BTC: variants seen among roughly 807,000 people sequenced by gnomAD.
BTC encodes probetacellulin.
BTC carries 13 observed loss-of-function variants against 18.1 expected under a neutral mutation model. The observed-to-expected ratio is 0.72, with a 90% CI of 0.47 to 1.14. BTC has a LOEUF of 1.14. Among genes scored for constraint, BTC ranks in the 50% most tolerant of loss-of-function variants. The pLI, the probability that BTC is intolerant of heterozygous loss-of-function variation, is 0.00. For missense variants in BTC, 247 were observed against 224.2 expected (o/e 1.10, Z -0.65); for synonymous variants, 83 against 79.4 (o/e 1.05, Z -0.24).
At chr4:74,773,567 T>C (rs1334742058) in intron 1 of BTC, among the ~76,000 whole-genome samples, 1 of 152,048 alleles carries the variant, frequency 6.6e-6, no homozygotes, top group Non-Finnish European at 1.5e-5. Context: ...CAGACACAGG[T>C]ATTATCATTA....
intron 2 of BTC, among the ~76,000 whole-genome samples, chr4:74,757,130 G>T (rs1272987656): frequency 1.3e-5 from 2 of 152,158 alleles, no homozygotes; most frequent in Non-Finnish European, 2.9e-5. Flanking sequence ...AGAAGAGCAT[G>T]TCACGCTAGG....
chr4:74,747,561 C>A (rs1481502765), intron 5 of BTC, among the ~76,000 whole-genome samples: 6 of 152,174 alleles, frequency 3.9e-5, no homozygotes, highest in Admixed American at 3.9e-4. Flanking sequence ...TATACCTTTT[C>A]TTAACCTTGA....
rs1724306428 is a variant in BTC, at chr4:74,746,883, C to T, written c.*2-208G>A. Among the ~76,000 whole-genome samples, 3 of 152,186 alleles carry T rather than the reference C, an allele frequency of 2.0e-5. 1 individual carries two copies. Among genetic ancestry groups the T allele is most frequent in the African/African-American group, 7.2e-5 (3 of 41,446 alleles). On this transcript the variant is annotated intron_variant, in intron 5 of 5. Transcript: ENST00000395743. ...TTTCTGGAAGAGATTCTTTGTACAA[C>T]TGAGCTGTGGAAAGACACTACTCTC...
chr4:74,787,213 A>T (rs550596619), intron 1 of BTC, among the ~76,000 whole-genome samples: 1 of 152,296 alleles, frequency 6.6e-6, no homozygotes, highest in Admixed American at 6.5e-5. Flanking sequence ...TCACTTTAAA[A>T]CAAGGAGGCT....
intron 1 of BTC, among the ~76,000 whole-genome samples, chr4:74,787,213 A>G (rs550596619): frequency 6.6e-6 from 1 of 152,178 alleles, no homozygotes; most frequent in Non-Finnish European, 1.5e-5. Context: ...TCACTTTAAA[A>G]CAAGGAGGCT....
intron 1 of BTC, among the ~76,000 whole-genome samples, chr4:74,775,113 G>T (rs1267819392): frequency 6.6e-6 from 1 of 152,120 alleles, no homozygotes; most frequent in Non-Finnish European, 1.5e-5. Context: ...TTCAGTTTGG[G>T]TCACTGAGTT....
chr4:74,792,340 A>G (rs1033497179), intron 1 of BTC, among the ~76,000 whole-genome samples: 35 of 152,178 alleles, frequency 2.3e-4, no homozygotes, highest in African/African-American at 7.5e-4. Flanking sequence ...TTGTGATAGT[A>G]AAGGGGAAAG....
intron 2 of BTC, among the ~76,000 whole-genome samples, chr4:74,756,636 C>G (rs978102697): frequency 5.3e-5 from 8 of 152,216 alleles, no homozygotes; most frequent in African/African-American, 1.7e-4. Flanking sequence ...GAGCCAGCTG[C>G]TCACCAGGTG....
Position 74,770,103 on chromosome 4 carries a change from C to G in BTC, c.118G>C (p.Glu40Gln). Residue 40 changes from glutamate to glutamine, a missense_variant, in exon 2 of 6, where the codon GAA becomes CAA. Transcript: ENST00000395743. ...TCTCCACAGAGGAGGCCATTAGTTT[C>G]AGGACTTCTGGTGGAATTCCCATCT... is the stretch of plus-strand genomic sequence containing the variant. ...VADGNSTRSP[E>Q]TNGLLCGDPE... is the part of the protein sequence containing the mutation. 6.2e-7 allele frequency: 1 copy of G among 1,613,298 alleles called. No homozygotes were observed. The highest frequency in any genetic ancestry group is 8.5e-7 in the Non-Finnish European group (1 of 1,179,540).
chr4:74,764,954 G>T (rs537439991), intron 2 of BTC, among the ~76,000 whole-genome samples: 2 of 152,098 alleles, frequency 1.3e-5, no homozygotes, highest in Admixed American at 1.3e-4. Context: ...GCAGGCAAGA[G>T]AGCTTGTGCA....
chr4:74,781,384 C>CGTGTGTGT lies in BTC; in HGVS notation c.65-11236_65-11229dup, dbSNP rs139134613. Among the ~76,000 whole-genome samples the CGTGTGTGT allele has an allele frequency of 5.4e-3, 684 of 126,524 alleles. 1 individual carries two copies. The highest frequency in any genetic ancestry group is 0.023 in the African/African-American group (651 of 28,688). 83.0% of individuals were successfully genotyped at this position (126,524 alleles called of 152,430 possible). On this transcript the variant is annotated intron_variant, in intron 1 of 5. Transcript: ENST00000395743. ...AACCCCAATTTCTATTCTCTCGTCA[C>CGTGTGTGT]GTGTGTGTGTGTGTGTGTGTGTGTG... is the stretch of plus-strand genomic sequence containing the variant.
chr4:74,749,227 T>C (rs1724380810), intron 4 of BTC, among the ~76,000 whole-genome samples: 1 of 152,124 alleles, frequency 6.6e-6, no homozygotes, highest in African/African-American at 2.4e-5. Context: ...GGTCAGGAGT[T>C]ACCAGCCTGG....
chr4:74,775,341 C>A (rs1176041985), intron 1 of BTC, among the ~76,000 whole-genome samples: 1 of 151,886 alleles, frequency 6.6e-6, no homozygotes, highest in African/African-American at 2.4e-5. Flanking sequence ...TTTAAAGGAA[C>A]GTACATTATT....
intron 2 of BTC, among the ~76,000 whole-genome samples, chr4:74,764,227 A>T (rs1340145782): frequency 1.3e-5 from 2 of 152,150 alleles, no homozygotes; most frequent in Non-Finnish European, 2.9e-5. Context: ...GAGTATTTGA[A>T]TTTAAAAAAA....
Position 74,755,993 on chromosome 4 carries a change from A to C in BTC, c.164-17T>G. On this transcript the variant is annotated splice_polypyrimidine_tract_variant and intron_variant, in intron 2 of 5. Coordinates refer to ENST00000395743, the MANE Select transcript of BTC (RefSeq NM_001729.4). ...TGGTGGTAGCTGGAAAATGAGAAAA[A>C]GTTCAATAAATCAACTCTCTTTAAA... The C allele has an allele frequency of 6.3e-7, 1 of 1,580,342 alleles. No individual in the cohort carries two copies. The highest frequency in any genetic ancestry group is 1.1e-5 in the South Asian group (1 of 90,356).
At chr4:74,792,409 C>A (rs1268229067) in intron 1 of BTC, among the ~76,000 whole-genome samples, 2 of 152,182 alleles carry the variant, frequency 1.3e-5, no homozygotes, top group Non-Finnish European at 2.9e-5. Context: ...AAACATCACC[C>A]TAATTTAGGC....
At position 74,748,188 on chromosome 4, in the gene BTC, A is replaced by G. The variant is rs367810978; in HGVS notation, c.429-39T>C. The G allele has an allele frequency of 7.7e-5, 93 of 1,211,570 alleles. No individual in the cohort carries two copies. In the African/African-American group the frequency reaches 1.3e-3, roughly 17 times the overall value. 75.1% of individuals were successfully genotyped at this position (1,211,570 alleles called of 1,614,324 possible). Reference sequence around the variant, plus strand: ...TGTTAGAAGTTAGTATGGGCCTAGTAGTTCATGCGAACACAAAATTATCCA... The same window carrying G: ...TGTTAGAAGTTAGTATGGGCCTAGTGGTTCATGCGAACACAAAATTATCCA... On this transcript the variant is annotated intron_variant, in intron 4 of 5. Coordinates refer to ENST00000395743, the MANE Select transcript of BTC (RefSeq NM_001729.4).
Position 74,746,691 on chromosome 4 carries a change from A to G in BTC, c.*2-16T>C. On this transcript the variant is annotated splice_polypyrimidine_tract_variant and intron_variant, in intron 5 of 5. Transcript: ENST00000395743. Reference sequence around the variant, plus strand: ...TTCATAGCCTCTGAGAATGAAGAAAATAACAGCACATCACTTAAAAGAAAT... The same window carrying G: ...TTCATAGCCTCTGAGAATGAAGAAAGTAACAGCACATCACTTAAAAGAAAT... The G allele has an allele frequency of 6.6e-6, 1 of 152,650 alleles. No individual in the cohort carries two copies. Among genetic ancestry groups the G allele is most frequent in the East Asian group, 1.9e-4 (1 of 5,204 alleles). The allele number at this position is 152,650 out of a possible 1,614,324, so 9.5% of individuals were successfully genotyped here. A position where few individuals can be genotyped will look rare whatever the true frequency, so the allele number is the denominator to read the frequency against.
intron 3 of BTC, among the ~76,000 whole-genome samples, chr4:74,755,544 A>G (rs941160520): frequency 6.6e-6 from 1 of 152,204 alleles, no homozygotes; most frequent in Non-Finnish European, 1.5e-5. Context: ...AGAATAATTC[A>G]TTTCCATTTG....
Sources: gnomAD v4.1 joint callset for allele counts (sites outside exome capture counted in the v4.1 genomes callset) on GRCh38, gnomAD v4.1.1 for gene constraint, MANE v1.5 for transcripts, NCBI Gene and HGNC (gene_info 2026-07-23, HGNC 2026-07-21) for gene names.